DYM: variants seen among roughly 807,000 people sequenced by gnomAD.
DYM encodes dymeclin, also known as dyggve-Melchior-Clausen syndrome protein.
DYM carries 78 observed loss-of-function variants against 93.1 expected under a neutral mutation model. That is an observed-to-expected ratio of 0.84 (90% confidence interval 0.70 to 1.01). The LOEUF (loss-of-function observed/expected upper bound fraction) is 1.01, where lower values mean the gene tolerates loss of function less well. Among genes scored for constraint, DYM ranks in the 50% least tolerant of loss-of-function variants. The pLI is 0.00. For synonymous variants in DYM, 321 were observed against 319.7 expected, an observed-to-expected ratio of 1.00 and a Z score of -0.04; for missense variants, 789 against 845.0, an observed-to-expected ratio of 0.93 and a Z score of 0.82.
chr18:49,420,985 G>C lies in DYM; in HGVS notation c.140+9270C>G, dbSNP rs369419495. ...GGGGAGGGGCACCTGCCATTGCTGA[G>C]GCTTGAGTACCTAAACAAAGCAGCC... On this transcript the variant is annotated intron_variant, in intron 2 of 17. Coordinates refer to ENST00000675505, the MANE Select transcript of DYM (RefSeq NM_001353214.3). 1.8e-4 allele frequency among the ~76,000 whole-genome samples: 28 copies of C among 152,272 alleles called. No homozygotes were observed. In the East Asian group the frequency reaches 4.4e-3, roughly 24 times the overall value.
At chr18:49,345,519 C>T (rs1235692077) in intron 6 of DYM, among the ~76,000 whole-genome samples, 4 of 152,028 alleles carry the variant, frequency 2.6e-5, no homozygotes, top group African/African-American at 4.8e-5. Flanking sequence ...GCCCAGCACA[C>T]GCAGTCCCTA....
chr18:49,219,964 G>T lies in DYM; in HGVS notation c.1461-10249C>A, dbSNP rs1344439292. ...AATTAGAAAAAGAGGAAGTCAAATT[G>T]TCCCTGTTTGCAGATGACATGATTG... is the stretch of plus-strand genomic sequence containing the variant. On this transcript the variant is annotated intron_variant, in intron 13 of 17. Transcript: ENST00000675505. Among the ~76,000 whole-genome samples, 4 of 149,126 alleles carry T rather than the reference G, an allele frequency of 2.7e-5. No homozygotes were observed. The South Asian group carries it at 6.5e-4, about 24-fold the overall frequency.
chr18:49,297,967 A>G (rs967261271), intron 8 of DYM, among the ~76,000 whole-genome samples: 1 of 152,206 alleles, frequency 6.6e-6, no homozygotes, highest in Non-Finnish European at 1.5e-5. Context: ...AAACAGTAAC[A>G]TACACAACCT....
intron 13 of DYM, among the ~76,000 whole-genome samples, chr18:49,243,270 T>C (rs1277957842): frequency 2.0e-5 from 3 of 152,180 alleles, no homozygotes; most frequent in African/African-American, 7.2e-5. Context: ...GAATTGCCAA[T>C]GCCTGGAGAT....
intron 10 of DYM, among the ~76,000 whole-genome samples, chr18:49,280,685 C>G (rs2094948795): frequency 6.6e-6 from 1 of 152,222 alleles, no homozygotes; most frequent in African/African-American, 2.4e-5. Context: ...GCTGGAGAAG[C>G]TCCTACCCTC....
Position 49,118,939 on chromosome 18 carries a change from A to T in DYM, c.1729-13T>A. ...TTAGGTCTTGTGCCTTATAGAGAAA[A>T]GAAACCCCAACACAGAGTCAGTCTT... is the stretch of plus-strand genomic sequence containing the variant. On this transcript the variant is annotated splice_polypyrimidine_tract_variant and intron_variant, in intron 15 of 17. Transcript: ENST00000675505. 2 of 1,612,694 alleles carry T rather than the reference A, an allele frequency of 1.2e-6. No individual in the cohort carries two copies. The highest frequency in any genetic ancestry group is 1.7e-6 in the Non-Finnish European group (2 of 1,178,860).
At chr18:49,426,297 C>A (rs1039008206) in intron 2 of DYM, among the ~76,000 whole-genome samples, 9 of 149,780 alleles carry the variant, frequency 6.0e-5, no homozygotes, top group Non-Finnish European at 3.0e-5. Context: ...ATCGCAAGGA[C>A]AGAAAACCAA....
intron 13 of DYM, among the ~76,000 whole-genome samples, chr18:49,217,052 T>G (rs531290377): frequency 6.6e-6 from 1 of 152,266 alleles, no homozygotes; most frequent in African/African-American, 2.4e-5. Context: ...TAGAGAGAAG[T>G]GCTTAAAGGA....
At chr18:49,044,939 A>C (rs2071280188) in intron 17 of DYM, among the ~76,000 whole-genome samples, 1 of 152,256 alleles carries the variant, frequency 6.6e-6, no homozygotes, top group Non-Finnish European at 1.5e-5. Flanking sequence ...CTAAGGCAGC[A>C]CTTGCGTTTT....
chr18:49,054,598 G>A (rs1239313118), intron 17 of DYM, among the ~76,000 whole-genome samples: 1 of 152,220 alleles, frequency 6.6e-6, no homozygotes, highest in African/African-American at 2.4e-5. Context: ...GAAGTTACAA[G>A]TTAAGAAACA....
chr18:49,053,658 C>T (rs1284249987), intron 17 of DYM, among the ~76,000 whole-genome samples: 2 of 152,096 alleles, frequency 1.3e-5, no homozygotes, highest in Non-Finnish European at 2.9e-5. Flanking sequence ...GTTTGGAGAT[C>T]CTGTCGTAAA....
Position 49,215,407 on chromosome 18 carries a change from G to A in DYM, c.1461-5692C>T, listed in dbSNP as rs146769846. Reference sequence around the variant, plus strand: ...GTAGTATTGAGAATTGCTGGTGCATGGTGAGAATAAAAACCCAGACAAAAT... The same window carrying A: ...GTAGTATTGAGAATTGCTGGTGCATAGTGAGAATAAAAACCCAGACAAAAT... On this transcript the variant is annotated intron_variant, in intron 13 of 17. Transcript: ENST00000675505. Among the ~76,000 whole-genome samples, 86 of 152,274 alleles carry A rather than the reference G, an allele frequency of 5.6e-4. No individual in the cohort carries two copies. In the East Asian group the frequency reaches 0.016, roughly 29 times the overall value.
chr18:49,068,351 C>T lies in DYM; in HGVS notation c.2026-24147G>A, dbSNP rs1037094658. Among the ~76,000 whole-genome samples, 3 of 152,196 alleles carry T rather than the reference C, an allele frequency of 2.0e-5. 1 individual carries two copies. The South Asian group carries it at 6.2e-4, about 32-fold the overall frequency. On this transcript the variant is annotated intron_variant, in intron 17 of 17. Transcript: ENST00000675505. ...AGTATCTCTTCTTTCTCCATTCTAA[C>T]AACTAATGCTGAGAGAAAGGATATT... is the stretch of plus-strand genomic sequence containing the variant.
intron 17 of DYM, chr18:49,048,320 G>A (rs2071911321): frequency 2.0e-5 from 3 of 152,186 alleles, no homozygotes; most frequent in Admixed American, 6.5e-5. Flanking sequence ...AACCTCACAC[G>A]GACTCAGGGA....
At chr18:49,216,321 C>T (rs1435321453) in intron 13 of DYM, among the ~76,000 whole-genome samples, 1 of 152,218 alleles carries the variant, frequency 6.6e-6, no homozygotes, top group Non-Finnish European at 1.5e-5. Flanking sequence ...CCTCTGGGGG[C>T]AAGGCACAGA....
At chr18:49,272,006 G>A (rs1395785748) in intron 11 of DYM, among the ~76,000 whole-genome samples, 172 bp downstream of exon 11, 125 of 134,462 alleles carry the variant, frequency 9.3e-4, no homozygotes, top group Non-Finnish European at 9.8e-4. Flanking sequence ...AGTCATTCTG[G>A]AAAAAAAAAA....
intron 13 of DYM, among the ~76,000 whole-genome samples, chr18:49,228,953 A>G (rs776009114): frequency 2.2e-4 from 33 of 152,280 alleles, no homozygotes; most frequent in Non-Finnish European, 4.6e-4. Flanking sequence ...TAGTTATTCA[A>G]CTGTTCCCTT....
intron 8 of DYM, among the ~76,000 whole-genome samples, chr18:49,322,713 A>G (rs964294394): frequency 6.6e-6 from 1 of 152,126 alleles, no homozygotes; most frequent in Non-Finnish European, 1.5e-5. Context: ...TAAACTTGGA[A>G]ATCATAAGGC....
chr18:49,111,606 A>G (rs2081399300), intron 16 of DYM, among the ~76,000 whole-genome samples: 2 of 152,188 alleles, frequency 1.3e-5, no homozygotes, highest in African/African-American at 4.8e-5. Context: ...TCAGTGTACC[A>G]CATCCTCTAA....
Sources: allele counts gnomAD v4.1 joint callset (sites outside exome capture counted in the v4.1 genomes callset), GRCh38; gene constraint gnomAD v4.1.1; transcripts MANE v1.5; gene names NCBI Gene and HGNC (gene_info 2026-07-23, HGNC 2026-07-21).